The following SYT1 variants were observed in gnomAD, a reference collection of about 807,000 sequenced individuals.
SYT1 encodes synaptotagmin-1.
SYT1 carries 8 observed loss-of-function variants against 44.8 expected under a neutral mutation model. That is an observed-to-expected ratio of 0.18 (90% CI 0.10 to 0.32). The LOEUF (loss-of-function observed/expected upper bound fraction) is 0.32, where lower values mean the gene tolerates loss of function less well. SYT1 is among the 10% of genes least tolerant of loss of function. SYT1 has a pLI of 1.00. For synonymous variants in SYT1, 154 were observed against 188.8 expected, an observed-to-expected ratio of 0.82 and a Z score of 1.51; for missense variants, 286 against 509.3, an observed-to-expected ratio of 0.56 and a Z score of 4.22.
chr12:78,973,580 A>T (rs1333237045), intron 1 of SYT1, among the ~76,000 whole-genome samples: 3 of 152,154 alleles, frequency 2.0e-5, no homozygotes, highest in Admixed American at 2.0e-4. Flanking sequence ...TAATCACAGT[A>T]GCCAATGTAT....
At chr12:79,360,496 T>C (rs1420323099) in intron 9 of SYT1, among the ~76,000 whole-genome samples, 2 of 152,184 alleles carry the variant, frequency 1.3e-5, no homozygotes, top group African/African-American at 2.4e-5. Flanking sequence ...CCAAATTCAA[T>C]TGATGTGAAC....
intron 3 of SYT1, among the ~76,000 whole-genome samples, chr12:79,116,619 C>G (rs7958120): frequency 2.6e-4 from 40 of 152,282 alleles, no homozygotes; most frequent in African/African-American, 9.1e-4. Flanking sequence ...TCACTTTTAC[C>G]AGGCTTGCCC....
chr12:79,443,948 TA>T, intron 9 of SYT1, 124 bp from the exon 10 acceptor site: 1 of 1,038,874 alleles, frequency 9.6e-7, no homozygotes, highest in Non-Finnish European at 1.4e-6. Context: ...GTATTGAATT[TA>T]AAAAATATTA....
At chr12:79,293,235 A>C (rs1879680080) in intron 6 of SYT1, among the ~76,000 whole-genome samples, 1 of 151,464 alleles carries the variant, frequency 6.6e-6, no homozygotes, top group Non-Finnish European at 1.5e-5. Flanking sequence ...GAGGCAGGAG[A>C]ATGGTGTGAA....
At chr12:78,911,412 A>G (rs1876318037) in intron 1 of SYT1, among the ~76,000 whole-genome samples, 1 of 151,964 alleles carries the variant, frequency 6.6e-6, no homozygotes, top group South Asian at 2.1e-4. Context: ...AAAAAAATGG[A>G]GAGCCTAAGA....
chr12:79,044,042 C>T (rs1310336634), intron 2 of SYT1, among the ~76,000 whole-genome samples: 3 of 152,154 alleles, frequency 2.0e-5, no homozygotes, highest in Non-Finnish European at 4.4e-5. Flanking sequence ...CAACCTTTCT[C>T]TCTGGCTGCC....
chr12:79,123,641 C>T (rs112752361), intron 3 of SYT1, among the ~76,000 whole-genome samples: 16 of 152,252 alleles, frequency 1.1e-4, no homozygotes, highest in African/African-American at 3.1e-4. Context: ...CCTTATTATA[C>T]TTTTTTCCTC....
At chr12:79,115,688 T>C (rs1490217184) in intron 3 of SYT1, among the ~76,000 whole-genome samples, 3 of 152,200 alleles carry the variant, frequency 2.0e-5, no homozygotes, top group Non-Finnish European at 4.4e-5. Context: ...ACCACTGATA[T>C]TGTAGAATAT....
rs187330002 is a variant in SYT1, at chr12:78,947,272, G to C, written c.-216-30527G>C. On this transcript the variant is annotated intron_variant, in intron 1 of 10. Transcript: ENST00000261205. Reference sequence around the variant, plus strand: ...TGGCAAATATACCAAATGATAGAGAGGAAAAATGAAGGTATTTTTACATTG... The same window carrying C: ...TGGCAAATATACCAAATGATAGAGACGAAAAATGAAGGTATTTTTACATTG... 9.4e-4 allele frequency among the ~76,000 whole-genome samples: 143 copies of C among 152,168 alleles called. 1 individual carries two copies. The highest frequency in any genetic ancestry group is 3.3e-3 in the African/African-American group (136 of 41,530).
In SYT1 at chr12:79,317,879, A is replaced by G. The variant is rs147560973; in HGVS notation, c.810+18328A>G. ...GGAGCTTAAGGGTAATTTGGACCGT[A>G]TTAGTCACATAGATCATGATAAATG... On this transcript the variant is annotated intron_variant, in intron 8 of 10. Coordinates refer to ENST00000261205, the MANE Select transcript of SYT1 (RefSeq NM_005639.3). Among the ~76,000 whole-genome samples, 140 of 152,262 alleles carry G rather than the reference A, an allele frequency of 9.2e-4. No individual in the cohort carries two copies. In the South Asian group the frequency reaches 9.9e-3, roughly 11 times the overall value.
intron 2 of SYT1, among the ~76,000 whole-genome samples, chr12:78,978,170 G>A (rs1363829050): frequency 6.6e-6 from 1 of 152,070 alleles, no homozygotes; most frequent in Admixed American, 6.6e-5. Flanking sequence ...TCGTTGGTGG[G>A]GCACTGGCTC....
chr12:78,885,865 A>G (rs1267673105), intron 1 of SYT1, among the ~76,000 whole-genome samples: 4 of 152,042 alleles, frequency 2.6e-5, no homozygotes, highest in African/African-American at 9.7e-5. Context: ...GAATAGGGCC[A>G]AGGGTGGAAA....
intron 4 of SYT1, 96 bp from the exon 5 acceptor site, chr12:79,285,691 C>A: frequency 1.1e-6 from 1 of 948,378 alleles, no homozygotes; most frequent in Non-Finnish European, 1.6e-6. Context: ...CTCAAAAATG[C>A]AAATGAAAAA....
chr12:79,392,076 T>C (rs1051504873), intron 9 of SYT1, among the ~76,000 whole-genome samples: 4 of 152,214 alleles, frequency 2.6e-5, no homozygotes, highest in Non-Finnish European at 5.9e-5. Flanking sequence ...TAGACACCTA[T>C]TATTAATCAT....
chr12:79,205,025 T>C (rs1290148691), intron 3 of SYT1, among the ~76,000 whole-genome samples: 1 of 143,928 alleles, frequency 6.9e-6, no homozygotes, highest in African/African-American at 2.6e-5. Context: ...AGTGCAGTGG[T>C]GCAATCTCGG....
At chr12:79,235,987 T>C (rs951874266) in intron 4 of SYT1, among the ~76,000 whole-genome samples, 2 of 152,200 alleles carry the variant, frequency 1.3e-5, no homozygotes, top group African/African-American at 4.8e-5. Flanking sequence ...AGAGCTTATA[T>C]TTAATTCTAC....
At chr12:78,952,896 G>C (rs536260838) in intron 1 of SYT1, among the ~76,000 whole-genome samples, 3 of 152,006 alleles carry the variant, frequency 2.0e-5, no homozygotes, top group Admixed American at 1.3e-4. Context: ...TTTTTCTTAA[G>C]CTGACTATTA....
intron 3 of SYT1, among the ~76,000 whole-genome samples, chr12:79,067,424 A>G (rs1206818412): frequency 6.6e-6 from 1 of 152,166 alleles, no homozygotes; most frequent in Non-Finnish European, 1.5e-5. Flanking sequence ...TAAAAGTAGT[A>G]GGAAACTATA....
At chr12:79,233,642 A>T (rs1026311886) in intron 4 of SYT1, among the ~76,000 whole-genome samples, 3 of 152,218 alleles carry the variant, frequency 2.0e-5, no homozygotes, top group African/African-American at 7.2e-5. Context: ...GCTGTCATTC[A>T]TCCACCTTTC....
Sources: gnomAD v4.1 joint callset for allele counts (sites outside exome capture counted in the v4.1 genomes callset) on GRCh38, gnomAD v4.1.1 for gene constraint, MANE v1.5 for transcripts, NCBI Gene and HGNC (gene_info 2026-07-23, HGNC 2026-07-21) for gene names.